WWOX: variants seen among roughly 807,000 people sequenced by gnomAD.
WWOX encodes WW domain-containing oxidoreductase.
WWOX carries 69 observed loss-of-function variants against 46.2 expected under a neutral mutation model. The observed-to-expected ratio is 1.49, with a 90% CI of 1.23 to 1.82. The LOEUF (loss-of-function observed/expected upper bound fraction) is 1.82, where lower values mean the gene tolerates loss of function less well. Ranked by LOEUF, WWOX falls within the 40% of genes most tolerant of loss-of-function variation. The probability of loss-of-function intolerance (pLI) is 0.00; values close to 1 mark genes in which losing one functional copy is unlikely to be tolerated. For missense variants in WWOX, 919 were observed against 542.6 expected (o/e 1.69, Z -6.89); for synonymous variants, 359 against 202.6 (o/e 1.77, Z -6.56).
chr16:79,171,130 C>G (rs1056466079), intron 8 of WWOX, among the ~76,000 whole-genome samples: 2 of 152,138 alleles, frequency 1.3e-5, no homozygotes, highest in African/African-American at 2.4e-5. Context: ...GGATGGAATG[C>G]TTGCAGGAGT....
chr16:78,703,874 G>T (rs1004080026), intron 8 of WWOX, among the ~76,000 whole-genome samples: 1 of 152,040 alleles, frequency 6.6e-6, no homozygotes. Flanking sequence ...CTATGACTCT[G>T]ATCTTCTCAA....
intron 8 of WWOX, among the ~76,000 whole-genome samples, chr16:78,820,047 T>C (rs893136598): frequency 1.3e-5 from 2 of 152,214 alleles, no homozygotes; most frequent in African/African-American, 2.4e-5. Context: ...GCATTGTTCT[T>C]ACTATTTACC....
At chr16:78,983,107 C>T (rs559529577) in intron 8 of WWOX, among the ~76,000 whole-genome samples, 3 of 152,286 alleles carry the variant, frequency 2.0e-5, no homozygotes, top group South Asian at 2.1e-4. Context: ...TGTAGACTGA[C>T]ACTGAGAATA....
At chr16:79,122,182 C>A (rs889689757) in intron 8 of WWOX, among the ~76,000 whole-genome samples, 1 of 152,104 alleles carries the variant, frequency 6.6e-6, no homozygotes, top group Non-Finnish European at 1.5e-5. Flanking sequence ...TGCTTCTAAA[C>A]CTCTGTGAAG....
intron 8 of WWOX, among the ~76,000 whole-genome samples, 184 bp downstream of exon 8, chr16:78,432,936 G>T (rs1050480615): frequency 1.3e-5 from 2 of 152,170 alleles, no homozygotes; most frequent in African/African-American, 4.8e-5. Flanking sequence ...TTGGGTAAAT[G>T]CGTCTTGGAG....
At chr16:78,898,281 A>G (rs750866171) in intron 8 of WWOX, 17 of 152,174 alleles carry the variant, frequency 1.1e-4, no homozygotes, top group Non-Finnish European at 2.4e-4. Flanking sequence ...CAATCTTTAC[A>G]TTCAGATCTA....
chr16:78,741,225 C>T (rs915721885), intron 8 of WWOX, among the ~76,000 whole-genome samples: 2 of 152,164 alleles, frequency 1.3e-5, no homozygotes, highest in African/African-American at 4.8e-5. Flanking sequence ...TAACAGAAAG[C>T]ATTTACTGAC....
At chr16:78,123,278 A>T (rs1260582193) in intron 4 of WWOX, 1 of 151,978 alleles carries the variant, frequency 6.6e-6, no homozygotes, top group Non-Finnish European at 1.5e-5. Flanking sequence ...ACACAAGGGC[A>T]TGTGTTTTCA....
intron 5 of WWOX, among the ~76,000 whole-genome samples, chr16:78,373,203 G>A (rs1371347297): frequency 2.6e-5 from 4 of 152,010 alleles, no homozygotes; most frequent in African/African-American, 9.7e-5. Context: ...GACTCAATAG[G>A]TACTAGATCT....
At position 78,428,672 on chromosome 16, in the gene WWOX, G is replaced by A. The variant is rs563851831; in HGVS notation, c.791+3617G>A. Among the ~76,000 whole-genome samples the A allele has an allele frequency of 2.0e-5, 3 of 152,242 alleles. No homozygotes were observed. The East Asian group carries it at 5.8e-4, about 29-fold the overall frequency. On this transcript the variant is annotated intron_variant, in intron 7 of 8. Coordinates refer to ENST00000566780, the MANE Select transcript of WWOX (RefSeq NM_016373.4). Reference sequence around the variant, plus strand: ...TGTTCCCTAGTCATGACATACTTCTGTGTTATCCTTAAATACTGAAACAGG... The same window carrying A: ...TGTTCCCTAGTCATGACATACTTCTATGTTATCCTTAAATACTGAAACAGG...
At chr16:78,556,366 G>T (rs996271559) in intron 8 of WWOX, among the ~76,000 whole-genome samples, 2 of 152,118 alleles carry the variant, frequency 1.3e-5, no homozygotes, top group African/African-American at 4.8e-5. Context: ...GGAAGGCAAA[G>T]GGAATTTTAT....
At chr16:79,055,960 T>C (rs1264693266) in intron 8 of WWOX, among the ~76,000 whole-genome samples, 1 of 152,210 alleles carries the variant, frequency 6.6e-6, no homozygotes, top group East Asian at 1.9e-4. Flanking sequence ...TTGAGCTCCA[T>C]TTCAGTAATT....
chr16:78,481,788 G>C (rs2084498475), intron 8 of WWOX, among the ~76,000 whole-genome samples: 1 of 144,744 alleles, frequency 6.9e-6, no homozygotes, highest in East Asian at 2.0e-4. Context: ...TGTGTACTGT[G>C]GATGTGATAA....
intron 5 of WWOX, among the ~76,000 whole-genome samples, chr16:78,384,308 C>G (rs1187083643): frequency 6.6e-6 from 1 of 152,094 alleles, no homozygotes; most frequent in Non-Finnish European, 1.5e-5. Flanking sequence ...TAAAACGAGG[C>G]AGGGACCAGA....
Position 78,996,130 on chromosome 16 carries a change from C to A in WWOX, c.1057-215478C>A, listed in dbSNP as rs78095700. On this transcript the variant is annotated intron_variant, in intron 8 of 8. Transcript: ENST00000566780. ...CCCCTTCCATGAAAGTCAGCTCAGG[C>A]GTAGAATGTTCTTTTTTTTAATTTT... is the stretch of plus-strand genomic sequence containing the variant. 2,370 of 886,964 alleles carry A rather than the reference C, an allele frequency of 2.7e-3. 49 individuals are homozygous for A. The African/African-American group carries it at 0.04, about 15-fold the overall frequency. The allele number at this position is 886,964 out of a possible 1,614,324, so 54.9% of individuals were successfully genotyped here.
At chr16:78,937,483 T>C (rs78633628) in intron 8 of WWOX, among the ~76,000 whole-genome samples, 9,453 of 131,706 alleles carry the variant, frequency 0.072, 1,009 homozygotes, top group East Asian at 0.25. Flanking sequence ...TTAATAGCGA[T>C]GGGGTTTCAC....
At chr16:78,378,365 A>C (rs1218308601) in intron 5 of WWOX, among the ~76,000 whole-genome samples, 1 of 152,216 alleles carries the variant, frequency 6.6e-6, no homozygotes. Flanking sequence ...ACTCCCCATC[A>C]GACTGGCACA....
chr16:78,563,130 G>C (rs750272690), intron 8 of WWOX, among the ~76,000 whole-genome samples: 1 of 152,086 alleles, frequency 6.6e-6, no homozygotes, highest in Non-Finnish European at 1.5e-5. Context: ...TAAAAAGCTA[G>C]CCAAGAGCAG....
intron 5 of WWOX, among the ~76,000 whole-genome samples, chr16:78,337,483 A>G (rs995679590): frequency 6.6e-6 from 1 of 152,146 alleles, no homozygotes; most frequent in Admixed American, 6.5e-5. Flanking sequence ...ATATCGATAC[A>G]TTATTAACTA....
Sources: allele counts gnomAD v4.1 joint callset (sites outside exome capture counted in the v4.1 genomes callset), GRCh38; gene constraint gnomAD v4.1.1; transcripts MANE v1.5; gene names NCBI Gene and HGNC (gene_info 2026-07-23, HGNC 2026-07-21).